The following UBE2E2 variants were observed in gnomAD, a reference collection of about 807,000 sequenced individuals.
The protein encoded by UBE2E2 is ubiquitin-conjugating enzyme E2 E2.
Under a neutral mutation model 24.7 loss-of-function variants are expected in UBE2E2, and 6 were observed. That is an observed-to-expected ratio of 0.24 (90% CI 0.13 to 0.48). UBE2E2 has a LOEUF of 0.48. Ranked by LOEUF, UBE2E2 falls within the 20% of genes least tolerant of loss-of-function variation. UBE2E2 has a pLI of 0.99. For synonymous variants in UBE2E2, 104 were observed against 83.6 expected, an observed-to-expected ratio of 1.24 and a Z score of -1.33; for missense variants, 169 against 245.0, an observed-to-expected ratio of 0.69 and a Z score of 2.07.
intron 3 of UBE2E2, among the ~76,000 whole-genome samples, chr3:23,239,164 C>G (rs1249628198): frequency 1.3e-5 from 2 of 152,156 alleles, no homozygotes; most frequent in East Asian, 3.9e-4. Flanking sequence ...CATTCTCAAC[C>G]TCAGTTATGA....
intron 3 of UBE2E2, among the ~76,000 whole-genome samples, chr3:23,362,371 C>T (rs1176498293): frequency 2.0e-5 from 3 of 152,158 alleles, no homozygotes; most frequent in Admixed American, 6.5e-5. Context: ...GGGCAACTCT[C>T]GAGTCCAAGG....
chr3:23,276,775 A>G (rs1198297756), intron 3 of UBE2E2, among the ~76,000 whole-genome samples: 1 of 152,092 alleles, frequency 6.6e-6, no homozygotes, highest in East Asian at 1.9e-4. Context: ...TATTGTGAGC[A>G]TTTGTACTTT....
At chr3:23,357,166 G>T (rs964766227) in intron 3 of UBE2E2, among the ~76,000 whole-genome samples, 4 of 152,206 alleles carry the variant, frequency 2.6e-5, no homozygotes, top group Non-Finnish European at 4.4e-5. Context: ...CCTTGCATGG[G>T]CCGGAAGGAA....
At chr3:23,460,360 A>G (rs55737333) in intron 3 of UBE2E2, among the ~76,000 whole-genome samples, 2 of 152,130 alleles carry the variant, frequency 1.3e-5, no homozygotes, top group Non-Finnish European at 2.9e-5. Flanking sequence ...CTTATCACAG[A>G]AGTGTTATTG....
At chr3:23,403,335 A>AT (rs1186568811) in intron 3 of UBE2E2, among the ~76,000 whole-genome samples, 1 of 152,196 alleles carries the variant, frequency 6.6e-6, no homozygotes, top group Middle Eastern at 3.2e-3. Context: ...TCACTACCTT[A>AT]TTTTTAAAAT....
chr3:23,358,578 AC>A (rs879727638), intron 3 of UBE2E2, among the ~76,000 whole-genome samples: 9 of 152,260 alleles, frequency 5.9e-5, no homozygotes, highest in Admixed American at 1.3e-4. Context: ...ATTGAAAAAA[AC>A]AATCTGAGAA....
chr3:23,525,423 C>G (rs562629181), intron 4 of UBE2E2, among the ~76,000 whole-genome samples: 2 of 152,256 alleles, frequency 1.3e-5, no homozygotes, highest in South Asian at 4.1e-4. Flanking sequence ...CCAGGGCCAT[C>G]TGGGAATTAG....
intron 3 of UBE2E2, among the ~76,000 whole-genome samples, chr3:23,375,733 T>G (rs1262517011): frequency 6.6e-6 from 1 of 152,194 alleles, no homozygotes; most frequent in African/African-American, 2.4e-5. Context: ...CAACAGCCCA[T>G]AATTAGGACA....
At chr3:23,351,730 A>G (rs1306717329) in intron 3 of UBE2E2, among the ~76,000 whole-genome samples, 1 of 152,204 alleles carries the variant, frequency 6.6e-6, no homozygotes, top group Non-Finnish European at 1.5e-5. Context: ...CCAGATTCAT[A>G]AAGCAAGTCC....
intron 3 of UBE2E2, among the ~76,000 whole-genome samples, chr3:23,380,773 T>C (rs1488558352): frequency 6.6e-6 from 1 of 152,234 alleles, no homozygotes; most frequent in African/African-American, 2.4e-5. Context: ...AATTGGATTC[T>C]CTAGTACTCT....
chr3:23,397,637 A>G (rs1190947496), intron 3 of UBE2E2, among the ~76,000 whole-genome samples: 2 of 152,162 alleles, frequency 1.3e-5, no homozygotes, highest in African/African-American at 4.8e-5. Flanking sequence ...TATACCGTCT[A>G]CATTTTGGTG....
intron 5 of UBE2E2, among the ~76,000 whole-genome samples, chr3:23,572,794 A>G (rs1696257556): frequency 6.6e-6 from 1 of 152,172 alleles, no homozygotes; most frequent in African/African-American, 2.4e-5. Flanking sequence ...GTTGATGGGC[A>G]CCTAGGTTGA....
chr3:23,423,862 C>A (rs1395081513), intron 3 of UBE2E2, among the ~76,000 whole-genome samples: 6 of 152,130 alleles, frequency 3.9e-5, no homozygotes, highest in Non-Finnish European at 8.8e-5. Flanking sequence ...AGAATGAGGG[C>A]CCTCCCTTAG....
chr3:23,432,075 G>A (rs534346814), intron 3 of UBE2E2, among the ~76,000 whole-genome samples: 16 of 152,278 alleles, frequency 1.1e-4, no homozygotes, highest in Middle Eastern at 6.8e-3. Flanking sequence ...TTGGATAAAT[G>A]TTCTGCAGCT....
intron 3 of UBE2E2, among the ~76,000 whole-genome samples, chr3:23,342,335 G>T (rs1249563451): frequency 6.6e-6 from 1 of 151,972 alleles, no homozygotes; most frequent in African/African-American, 2.4e-5. Flanking sequence ...TAGGCACACA[G>T]TACCATCCAT....
intron 3 of UBE2E2, among the ~76,000 whole-genome samples, chr3:23,476,836 T>C (rs1003974052): frequency 6.6e-6 from 1 of 152,206 alleles, no homozygotes; most frequent in Non-Finnish European, 1.5e-5. Context: ...GCTTCCAATA[T>C]CATACATAAA....
At chr3:23,496,321 CA>C (rs1328779022) in intron 3 of UBE2E2, among the ~76,000 whole-genome samples, 5 of 152,094 alleles carry the variant, frequency 3.3e-5, no homozygotes, top group African/African-American at 1.2e-4. Context: ...AGTAATAAAA[CA>C]GAAAGCACCT....
intron 3 of UBE2E2, among the ~76,000 whole-genome samples, chr3:23,245,065 C>T (rs1477028166): frequency 6.6e-6 from 1 of 151,982 alleles, no homozygotes; most frequent in Non-Finnish European, 1.5e-5. Flanking sequence ...ATGAGAATAT[C>T]CTTTGGGCTT....
chr3:23,572,395 A>T (rs1696248994), intron 5 of UBE2E2, among the ~76,000 whole-genome samples: 1 of 152,160 alleles, frequency 6.6e-6, no homozygotes, highest in Admixed American at 6.5e-5. Context: ...TTTAATTTTT[A>T]TTGTAGATTC....
Sources: gnomAD v4.1 joint callset for allele counts (sites outside exome capture counted in the v4.1 genomes callset) on GRCh38, gnomAD v4.1.1 for gene constraint, MANE v1.5 for transcripts, NCBI Gene and HGNC (gene_info 2026-07-23, HGNC 2026-07-21) for gene names.